SEPTIN8: variants seen among roughly 807,000 people sequenced by gnomAD.
The protein encoded by SEPTIN8 is septin 8, also known as septin-8.
In SEPTIN8, 22 loss-of-function variants were observed where a neutral mutation model predicts 53.1. The observed-to-expected ratio is 0.41, with a 90% CI of 0.30 to 0.59. SEPTIN8 has a LOEUF of 0.59. SEPTIN8 is among the 20% of genes least tolerant of loss of function. SEPTIN8 has a pLI of 0.24. For synonymous variants in SEPTIN8, 228 were observed against 248.4 expected (o/e 0.92, Z 0.77); for missense variants, 536 against 638.7 (o/e 0.84, Z 1.73).
At chr5:132,777,799 C>T (rs1187087451), upstream of SEPTIN8, 24 of 985,368 alleles carry the variant, frequency 2.4e-5, no homozygotes, top group Non-Finnish European at 2.8e-5. The surrounding 1 kb of genome is among the most constrained non-coding windows in gnomAD (Gnocchi z 4.1). Context: ...CCCGGCGGGA[C>T]CCGCGCGTCC....
chr5:132,778,134 T>A (rs932535007), upstream of SEPTIN8: 14 of 949,952 alleles, frequency 1.5e-5, no homozygotes, highest in Non-Finnish European at 1.8e-5. Context: ...ACTGACAATC[T>A]ATACAAAAGC....
At chr5:132,765,909 A>G (rs1756540326) in intron 1 of SEPTIN8, among the ~76,000 whole-genome samples, 1 of 152,274 alleles carries the variant, frequency 6.6e-6, no homozygotes, top group Non-Finnish European at 1.5e-5. Context: ...ACCAGATTGG[A>G]AAGTGTGTCT....
rs1160568187 is a variant in SEPTIN8 at position 132,763,863 on chromosome 5, G to A, written c.377C>T (p.Ala126Val). The A allele has an allele frequency of 8.2e-6, 13 of 1,594,276 alleles. No homozygotes were observed. Among genetic ancestry groups the A allele is most frequent in the South Asian group, 2.3e-5 (2 of 87,010 alleles). ...CTCCTGCAGATAATTTTCAAACTGC[G>A]CATCGATGTAGTCAACTATGGGCCT... is the stretch of plus-strand genomic sequence containing the variant. ...SYRPIVDYID[A>V]QFENYLQEEL... The change falls in exon 4 of 10, where the codon GCG becomes GTG. Residue 126 changes from alanine (A) to valine (V), a missense_variant. Transcript: ENST00000378719.
intron 4 of SEPTIN8, among the ~76,000 whole-genome samples, chr5:132,763,191 G>A (rs190456232): frequency 7.3e-4 from 111 of 152,288 alleles, no homozygotes; most frequent in Non-Finnish European, 1.3e-3. Context: ...TTCCCATGAA[G>A]CTGCCTCCCT....
intron 1 of SEPTIN8, among the ~76,000 whole-genome samples, chr5:132,767,686 CT>C (rs1756744447): frequency 6.6e-6 from 1 of 152,126 alleles, no homozygotes; most frequent in African/African-American, 2.4e-5. Flanking sequence ...ACCTGCCCAC[CT>C]TACACAGGGC....
At position 132,761,303 on chromosome 5, in the gene SEPTIN8, T is replaced by A; in HGVS notation, c.963-38A>T. On this transcript the variant is annotated intron_variant, in intron 7 of 9. Transcript: ENST00000378719. The surrounding 1 kb of genome is among the most constrained non-coding windows in gnomAD (Gnocchi z 5.8). ...AGAGAAAAGAGGCCAAGGATGGGATTATGACGGAATGGGATAGGGCAGGGC... is the reference window on the plus strand; with the variant it reads ...AGAGAAAAGAGGCCAAGGATGGGATAATGACGGAATGGGATAGGGCAGGGC... 6.2e-7 allele frequency: 1 copy of A among 1,610,242 alleles called. No homozygotes were observed. Among genetic ancestry groups the A allele is most frequent in the Non-Finnish European group, 8.5e-7 (1 of 1,179,900 alleles).
At chr5:132,771,942 C>A (rs975410649) in intron 1 of SEPTIN8, among the ~76,000 whole-genome samples, 1 of 152,174 alleles carries the variant, frequency 6.6e-6, no homozygotes, top group Non-Finnish European at 1.5e-5. Flanking sequence ...CAGGATATAC[C>A]TGTCCCAAAT....
chr5:132,759,686 C>T (rs1227139640), intron 9 of SEPTIN8, among the ~76,000 whole-genome samples: 1 of 152,112 alleles, frequency 6.6e-6, no homozygotes, highest in Non-Finnish European at 1.5e-5. Flanking sequence ...GAAATGGATC[C>T]CGAGAATGAC....
rs1425904793 is a variant in SEPTIN8, at chr5:132,761,535, C to T, written c.885G>A (p.Arg295=). ...MEDLREQTHS[R]HYELYRRCKL... ...TGCAGCGCCGGTAGAGCTCGTAGTGCCGGCTGTGGGTCTGCTCGCGGAGGT... is the reference window on the plus strand; with the variant it reads ...TGCAGCGCCGGTAGAGCTCGTAGTGTCGGCTGTGGGTCTGCTCGCGGAGGT... The change falls in exon 7 of 10, where the codon CGG becomes CGA. Residue 295 remains arginine (R), a synonymous_variant. Coordinates refer to ENST00000378719, the MANE Select transcript of SEPTIN8 (RefSeq NM_001098811.2). The surrounding 1 kb of genome is among the most constrained non-coding windows in gnomAD (Gnocchi z 5.8). 18 of 1,613,890 alleles carry T rather than the reference C, an allele frequency of 1.1e-5. No individual in the cohort carries two copies. Among genetic ancestry groups the T allele is most frequent in the Non-Finnish European group, 1.4e-5 (17 of 1,180,008 alleles).
chr5:132,775,155 C>T (rs1201584536), intron 1 of SEPTIN8, among the ~76,000 whole-genome samples: 2 of 152,148 alleles, frequency 1.3e-5, no homozygotes, highest in Admixed American at 1.3e-4. Flanking sequence ...CCTGGCCACC[C>T]CGCAGCTAAT....
chr5:132,779,205 G>A (rs550759584), upstream of SEPTIN8, among the ~76,000 whole-genome samples: 15 of 152,308 alleles, frequency 9.8e-5, no homozygotes, highest in Non-Finnish European at 2.1e-4. Context: ...ATAAAAGAGT[G>A]AGAATTATCT....
At chr5:132,754,965 C>G (rs1755200029) in intron 9 of SEPTIN8, among the ~76,000 whole-genome samples, 1 of 152,166 alleles carries the variant, frequency 6.6e-6, no homozygotes, top group Non-Finnish European at 1.5e-5. Context: ...CATCATAGAC[C>G]TGTCTTAAAC....
intron 1 of SEPTIN8, among the ~76,000 whole-genome samples, chr5:132,767,469 T>C (rs1194554870): frequency 1.3e-5 from 2 of 152,178 alleles, no homozygotes; most frequent in Non-Finnish European, 2.9e-5. Flanking sequence ...CACTTGGCAG[T>C]TATCCTGTTT....
chr5:132,777,284 G>A (rs1352054567), upstream of SEPTIN8: 14 of 1,105,092 alleles, frequency 1.3e-5, no homozygotes, highest in African/African-American at 1.7e-5. This position sits in a 1 kb window ranked among gnomAD's most constrained non-coding sequence, Gnocchi z 4.1. Flanking sequence ...TGGCGGCGGC[G>A]GCGGGAGAAG....
rs1756061152 is a variant in SEPTIN8, at chr5:132,762,299, T to C, written c.696+185A>G. On this transcript the variant is annotated intron_variant, in intron 5 of 9. Transcript: ENST00000378719. The stretch of plus-strand genomic sequence containing the variant: ...CCTGGGGTCCCCAGTGTAGGCCCAC[T>C]ATCAGATTCTTCCTGTCCCCTGCCC... Among the ~76,000 whole-genome samples the C allele has an allele frequency of 2.0e-5, 3 of 152,314 alleles. No homozygotes were observed. In the South Asian group the frequency reaches 6.2e-4, roughly 32 times the overall value.
Position 132,750,909 on chromosome 5 carries a change from C to G in SEPTIN8, c.*1107G>C. 6.2e-7 allele frequency: 1 copy of G among 1,614,220 alleles called. No homozygotes were observed. The highest frequency in any genetic ancestry group is 8.5e-7 in the Non-Finnish European group (1 of 1,180,020). Reference sequence around the variant, plus strand: ...AAGCACTATGGCTCTGACTATTCCCCGAATGAGCTGCTGAGGATGGAGCTG... The same window carrying G: ...AAGCACTATGGCTCTGACTATTCCCGGAATGAGCTGCTGAGGATGGAGCTG... On this transcript the variant is annotated 3_prime_UTR_variant, in exon 10 of 10. Coordinates refer to ENST00000378719, the MANE Select transcript of SEPTIN8 (RefSeq NM_001098811.2).
rs958130528 is a variant in SEPTIN8 at position 132,764,554 on chromosome 5, C to T, written c.152-135G>A. Reference sequence around the variant, plus strand: ...AAGAGAAAGGGGCAGGCCGCCCACCCCATCCCTCATCACCCCCATTCCCCA... The same window carrying T: ...AAGAGAAAGGGGCAGGCCGCCCACCTCATCCCTCATCACCCCCATTCCCCA... On this transcript the variant is annotated intron_variant, in intron 2 of 9. Transcript: ENST00000378719. 10 of 656,610 alleles carry T rather than the reference C, an allele frequency of 1.5e-5. No individual in the cohort carries two copies. In the African/African-American group the frequency reaches 1.6e-4, roughly 11 times the overall value. The allele number at this position is 656,610 out of a possible 1,614,324, so 40.7% of individuals were successfully genotyped here.
chr5:132,777,580 G>GT, upstream of SEPTIN8: 2 of 978,290 alleles, frequency 2.0e-6, no homozygotes, highest in African/African-American at 3.5e-5. The surrounding 1 kb of genome is among the most constrained non-coding windows in gnomAD (Gnocchi z 4.1). Flanking sequence ...AGCCTTTCCC[G>GT]TAAGGGGGAA....
Position 132,758,643 on chromosome 5 carries a change from G to C in SEPTIN8, c.1286+2159C>G, listed in dbSNP as rs115784309. On this transcript the variant is annotated intron_variant, in intron 9 of 9. Transcript: ENST00000378719. ...TAGAGAGGGGTGGCCCGCCAGGCCC[G>C]GGGCAGCCTGGGGCCAGGGTCGGTG... The C allele has an allele frequency of 1.1e-5, 17 of 1,591,250 alleles. No individual in the cohort carries two copies. The South Asian group carries it at 1.9e-4, about 18-fold the overall frequency.
Sources: allele counts gnomAD v4.1 joint callset (sites outside exome capture counted in the v4.1 genomes callset), GRCh38; gene constraint gnomAD v4.1.1; non-coding constraint Gnocchi (gnomAD v3.1); transcripts MANE v1.5; gene names NCBI Gene and HGNC (gene_info 2026-07-23, HGNC 2026-07-21).